Variants in C11orf68 observed in about 807,000 individuals in gnomAD.
The protein encoded by C11orf68 is chromosome 11 open reading frame 68, also known as UPF0696 protein C11orf68.
C11orf68 carries 3 observed loss-of-function variants against 4.7 expected under a neutral mutation model. That is an observed-to-expected ratio of 0.64 (90% CI 0.29 to 1.66). The LOEUF is 1.66. Ranked by LOEUF, C11orf68 falls within the 40% of genes most tolerant of loss-of-function variation. The pLI, the probability that C11orf68 is intolerant of heterozygous loss-of-function variation, is 0.10. For synonymous variants in C11orf68, 186 were observed against 167.8 expected (o/e 1.11, Z -0.84); for missense variants, 422 against 408.0 (o/e 1.03, Z -0.30).
chr11:65,917,894 C>A lies in C11orf68; in HGVS notation c.447G>T (p.Gly149=), dbSNP rs1206651032. The A allele has an allele frequency of 2.9e-5, 47 of 1,609,868 alleles. No homozygotes were observed. The highest frequency in any genetic ancestry group is 4.0e-5 in the Non-Finnish European group (47 of 1,179,972). Residue 149 remains glycine, a synonymous_variant, in exon 2 of 2, where the codon GGG becomes GGT. Transcript: ENST00000438576. The part of the protein sequence containing the change: ...QAAWEALQTS[G]RPITPGTLRQ... ...GCAGGGTACCCGGTGTGATGGGCCG[C>A]CCACTGGTCTGCAGAGCTTCCCAGG...
At chr11:65,918,826 C>T (rs1354032601) in intron 1 of C11orf68, 84 bp downstream of exon 1, 5 of 1,077,098 alleles carry the variant, frequency 4.6e-6, no homozygotes, top group South Asian at 2.9e-5. Flanking sequence ...CCGGCCGTGC[C>T]GCGCCCGCCG....
chr11:65,917,139 C>A lies in C11orf68; in HGVS notation c.*320G>T. 2 of 316,820 alleles carry A rather than the reference C, an allele frequency of 6.3e-6. No individual in the cohort carries two copies. The highest frequency in any genetic ancestry group is 1.2e-5 in the Non-Finnish European group (2 of 170,300). 19.6% of individuals were successfully genotyped at this position (316,820 alleles called of 1,614,324 possible). On this transcript the variant is annotated 3_prime_UTR_variant, in exon 2 of 2. Transcript: ENST00000438576. ...GATGCAGGAGGAAGGGGAGGTATAG[C>A]GGGGGATGAGCGTTCCAAGAAGTCT...
chr11:65,918,813 G>T, intron 1 of C11orf68, 97 bp downstream of exon 1: 2 of 1,044,264 alleles, frequency 1.9e-6, no homozygotes, highest in Non-Finnish European at 2.3e-6. Context: ...GGAGAGCCAG[G>T]CTCCGGCCGT....
At position 65,917,894 on chromosome 11, in the gene C11orf68, C is replaced by T; in HGVS notation, c.447G>A (p.Gly149=). ...GCAGGGTACCCGGTGTGATGGGCCGCCCACTGGTCTGCAGAGCTTCCCAGG... is the reference window on the plus strand; with the variant it reads ...GCAGGGTACCCGGTGTGATGGGCCGTCCACTGGTCTGCAGAGCTTCCCAGG... ...QAAWEALQTS[G]RPITPGTLRQ... The change falls in exon 2 of 2, where the codon GGG becomes GGA. Residue 149 remains glycine (G), a synonymous_variant. Coordinates refer to ENST00000438576, the MANE Select transcript of C11orf68 (RefSeq NM_001135635.2). The T allele has an allele frequency of 6.2e-7, 1 of 1,609,868 alleles. No homozygotes were observed. Among genetic ancestry groups the T allele is most frequent in the Non-Finnish European group, 8.5e-7 (1 of 1,179,972 alleles).
At position 65,917,742 on chromosome 11, in the gene C11orf68, G is replaced by A. The variant is rs529455602; in HGVS notation, c.599C>T (p.Ala200Val). 3 of 1,613,426 alleles carry A rather than the reference G, an allele frequency of 1.9e-6. No individual in the cohort carries two copies. In the East Asian group the frequency reaches 6.7e-5, roughly 36 times the overall value. Residue 200 changes from alanine (A) to valine (V), a missense_variant, in exon 2 of 2, where the codon GCC becomes GTC. Coordinates refer to ENST00000438576, the MANE Select transcript of C11orf68 (RefSeq NM_001135635.2). Reference protein sequence around the residue: ...RAVVEGQLQVAKVSPRAKEGG... With the variant: ...RAVVEGQLQVVKVSPRAKEGG... ...CTCCTTGGCACGTGGGCTCACCTTG[G>A]CCACCTGAAGCTGGCCTTCAACCAC... is the stretch of plus-strand genomic sequence containing the variant.
chr11:65,918,720 G>C (rs1423129759), intron 1 of C11orf68, among the ~76,000 whole-genome samples, 190 bp downstream of exon 1: 4 of 152,352 alleles, frequency 2.6e-5, no homozygotes, highest in African/African-American at 9.6e-5. Flanking sequence ...AGACGAGGAC[G>C]CTGAAGTCCA....
chr11:65,917,180 T>A lies in C11orf68; in HGVS notation c.*279A>T. 1 of 433,040 alleles carries A rather than the reference T, an allele frequency of 2.3e-6. No individual in the cohort carries two copies. The highest frequency in any genetic ancestry group is 4.1e-6 in the Non-Finnish European group (1 of 241,726). The allele number at this position is 433,040 out of a possible 1,614,324, so 26.8% of individuals were successfully genotyped here. On this transcript the variant is annotated 3_prime_UTR_variant, in exon 2 of 2. Transcript: ENST00000438576. ...CAAGAAGTCTCTCCTTCTAGGTGTC[T>A]GCACCCAACTCATGGTGCTGGGCAG...
chr11:65,917,315 G>A lies in C11orf68; in HGVS notation c.*144C>T, dbSNP rs933721226. ...CCCTGAACAGAGGGCAGAAGTTCAA[G>A]GGGACTGAAGATGCAGGTAGTTCCC... On this transcript the variant is annotated 3_prime_UTR_variant, in exon 2 of 2. Coordinates refer to ENST00000438576, the MANE Select transcript of C11orf68 (RefSeq NM_001135635.2). 85 of 1,025,586 alleles carry A rather than the reference G, an allele frequency of 8.3e-5. No individual in the cohort carries two copies. Among genetic ancestry groups the A allele is most frequent in the Non-Finnish European group, 1.2e-4 (83 of 696,056 alleles). 63.5% of individuals were successfully genotyped at this position (1,025,586 alleles called of 1,614,324 possible).
At position 65,917,464 on chromosome 11, in the gene C11orf68, T is replaced by G. The variant is rs971793626; in HGVS notation, c.877A>C (p.Thr293Pro). ...VLDRANNVELT is the reference protein window; with the variant it reads ...VLDRANNVELP The stretch of plus-strand genomic sequence containing the variant: ...GTCTCCCCAATTTGGCCCCCCTAGG[T>G]CAGTTCCACGTTGTTGGCACGGTCA... Residue 293 changes from threonine (T) to proline (P), a missense_variant, in exon 2 of 2, where the codon ACC becomes CCC. By Grantham distance (38) the Thr-to-Pro change is conservative. Transcript: ENST00000438576. 2 of 1,607,904 alleles carry G rather than the reference T, an allele frequency of 1.2e-6. No individual in the cohort carries two copies. Among genetic ancestry groups the G allele is most frequent in the Non-Finnish European group, 1.7e-6 (2 of 1,176,814 alleles).
chr11:65,917,542 G>C lies in C11orf68; in HGVS notation c.799C>G (p.Leu267Val), dbSNP rs2134828034. 1 of 1,614,102 alleles carries C rather than the reference G, an allele frequency of 6.2e-7. No individual in the cohort carries two copies. The highest frequency in any genetic ancestry group is 8.5e-7 in the Non-Finnish European group (1 of 1,180,028). ...RANRWHLCPT[L>V]YESRFQLGGS... ...CCAAGCTGGAAACGGCTCTCATAGA[G>C]AGTGGGGCAGAGGTGCCAGCGATTG... The change falls in exon 2 of 2, where the codon CTC (leucine) becomes GTC (valine). Residue 267 changes from leucine (L) to valine (V), a missense_variant. Physicochemically the swap from Leu to Val is conservative, Grantham distance 32. Coordinates refer to ENST00000438576, the MANE Select transcript of C11orf68 (RefSeq NM_001135635.2).
intron 1 of C11orf68, 166 bp from the exon 2 acceptor site, chr11:65,918,384 T>TA: frequency 1.3e-6 from 1 of 799,540 alleles, no homozygotes; most frequent in Non-Finnish European, 1.8e-6. Context: ...CTATGAAAAT[T>TA]AGATGCCTGA....
intron 1 of C11orf68, 40 bp downstream of exon 1, chr11:65,918,870 G>T: frequency 8.4e-7 from 1 of 1,188,544 alleles, no homozygotes; most frequent in South Asian, 2.2e-5. Context: ...CTGTGCTCCC[G>T]CCCCGGCCCT....
In C11orf68 at chr11:65,918,028, T is replaced by C; in HGVS notation, c.313A>G (p.Thr105Ala). Reference sequence around the variant, plus strand: ...GGTGAACCGGGGTCCCCATAGCGGGTAACTTGGGATGGTGGGTACTTGGCC... The same window carrying C: ...GGTGAACCGGGGTCCCCATAGCGGGCAACTTGGGATGGTGGGTACTTGGCC... ...WLAKYPPSQV[T>A]RYGDPGSPNS... The change falls in exon 2 of 2, where the codon ACC becomes GCC. Residue 105 changes from threonine to alanine, a missense_variant. Coordinates refer to ENST00000438576, the MANE Select transcript of C11orf68 (RefSeq NM_001135635.2). The C allele has an allele frequency of 1.9e-6, 3 of 1,607,056 alleles. No homozygotes were observed.
Position 65,917,429 on chromosome 11 carries a change from G to T in C11orf68, c.*30C>A. ...AGGATCCAACCCCAGCATGGAGGGG[G>T]GAGTGGGCAGTCTCCCCAATTTGGC... is the stretch of plus-strand genomic sequence containing the variant. On this transcript the variant is annotated 3_prime_UTR_variant, in exon 2 of 2. Transcript: ENST00000438576. 1.3e-6 allele frequency: 2 copies of T among 1,573,898 alleles called. No homozygotes were observed. The highest frequency in any genetic ancestry group is 2.2e-4 in the Middle Eastern group (1 of 4,596).
chr11:65,918,897 C>A lies in C11orf68; in HGVS notation c.122+13G>T. ...CCCGGCCCTGCCCTGCCCCTCCCGCCGCCCGCAGTCACCTCCGGCCTTCGC... is the reference window on the plus strand; with the variant it reads ...CCCGGCCCTGCCCTGCCCCTCCCGCAGCCCGCAGTCACCTCCGGCCTTCGC... On this transcript the variant is annotated intron_variant, in intron 1 of 1. Coordinates refer to ENST00000438576, the MANE Select transcript of C11orf68 (RefSeq NM_001135635.2). The A allele has an allele frequency of 8.0e-7, 1 of 1,255,246 alleles. No individual in the cohort carries two copies. Among genetic ancestry groups the A allele is most frequent in the Non-Finnish European group, 1.0e-6 (1 of 987,138 alleles). 77.8% of individuals were successfully genotyped at this position (1,255,246 alleles called of 1,614,324 possible).
chr11:65,919,047 C>T lies in C11orf68; in HGVS notation c.-16G>A, dbSNP rs1183169481. ...CCGCCGCCATCTTAGCGCCGCGCCACCTCAACAACAACTTTATAGACAGGC... is the reference window on the plus strand; with the variant it reads ...CCGCCGCCATCTTAGCGCCGCGCCATCTCAACAACAACTTTATAGACAGGC... On this transcript the variant is annotated 5_prime_UTR_variant, in exon 1 of 2. In the 5' UTR this introduces an upstream ATG that the reference lacks. Transcript: ENST00000438576. 4.4e-6 allele frequency: 5 copies of T among 1,136,508 alleles called. No individual in the cohort carries two copies. The East Asian group carries it at 2.5e-4, about 56-fold the overall frequency. 70.4% of individuals were successfully genotyped at this position (1,136,508 alleles called of 1,614,324 possible). A position where few individuals can be genotyped will look rare whatever the true frequency, so the allele number is the denominator to read the frequency against.
chr11:65,918,277 G>A (rs1854489034), intron 1 of C11orf68, 59 bp from the exon 2 acceptor site: 3 of 1,450,950 alleles, frequency 2.1e-6, no homozygotes, highest in Admixed American at 2.8e-5. Flanking sequence ...GCCAGGCACT[G>A]GATTAAACTG....
Position 65,917,345 on chromosome 11 carries a change from G to A in C11orf68, c.*114C>T, listed in dbSNP as rs2134827657. 1 of 1,311,686 alleles carries A rather than the reference G, an allele frequency of 7.6e-7. No homozygotes were observed. Among genetic ancestry groups the A allele is most frequent in the African/African-American group, 1.5e-5 (1 of 67,742 alleles). The allele number at this position is 1,311,686 out of a possible 1,614,324, so 81.3% of individuals were successfully genotyped here. ...CTGAAGATGCAGGTAGTTCCCAAGTGACCTAGGAGTCCCCAGAGCTGGGGG... is the reference window on the plus strand; with the variant it reads ...CTGAAGATGCAGGTAGTTCCCAAGTAACCTAGGAGTCCCCAGAGCTGGGGG... On this transcript the variant is annotated 3_prime_UTR_variant, in exon 2 of 2. Transcript: ENST00000438576.
At position 65,917,978 on chromosome 11, in the gene C11orf68, A is replaced by T; in HGVS notation, c.363T>A (p.Ile121=). 6.2e-7 allele frequency: 1 copy of T among 1,606,726 alleles called. No homozygotes were observed. Among genetic ancestry groups the T allele is most frequent in the Non-Finnish European group, 8.5e-7 (1 of 1,178,388 alleles). ...GGCTGTAGCCCTGCCCATACACTGC[A>T]ATCCAGCCCACAGGCTCTGAGTTGG... ...GSPNSEPVGW[I]AVYGQGYSPN... The change falls in exon 2 of 2, where the codon ATT becomes ATA. Residue 121 remains isoleucine, a synonymous_variant. Transcript: ENST00000438576.
Sources: allele counts gnomAD v4.1 joint callset (sites outside exome capture counted in the v4.1 genomes callset), GRCh38; gene constraint gnomAD v4.1.1; transcripts MANE v1.5; gene names NCBI Gene and HGNC (gene_info 2026-07-23, HGNC 2026-07-21).